The following MDGA2 variants were observed in gnomAD, a reference collection of about 807,000 sequenced individuals.
MDGA2 encodes MAM domain-containing glycosylphosphatidylinositol anchor protein 2.
MDGA2 carries 40 observed loss-of-function variants against 117.8 expected under a neutral mutation model. That is an observed-to-expected ratio of 0.34 (90% CI 0.26 to 0.44). MDGA2 has a LOEUF of 0.44. Ranked by LOEUF, MDGA2 falls within the 20% of genes least tolerant of loss-of-function variation. The pLI, the probability that MDGA2 is intolerant of heterozygous loss-of-function variation, is 1.00. For synonymous variants in MDGA2, 452 were observed against 439.0 expected (o/e 1.03, Z -0.37); for missense variants, 1,123 against 1,250.6 (o/e 0.90, Z 1.54).
chr14:46,880,192 G>A (rs1882389046), intron 11 of MDGA2, among the ~76,000 whole-genome samples: 1 of 151,930 alleles, frequency 6.6e-6, no homozygotes, highest in Non-Finnish European at 1.5e-5. Flanking sequence ...GGGCGTGGTG[G>A]CAAGTGCATG....
chr14:47,069,295 G>GT (rs1890194626), intron 6 of MDGA2, among the ~76,000 whole-genome samples: 1 of 152,076 alleles, frequency 6.6e-6, no homozygotes, highest in Non-Finnish European at 1.5e-5. Flanking sequence ...TTTCCACTTC[G>GT]TGTCACTTTA....
intron 1 of MDGA2, among the ~76,000 whole-genome samples, chr14:47,341,752 A>G (rs1028467563): frequency 2.6e-5 from 4 of 152,150 alleles, no homozygotes; most frequent in Non-Finnish European, 4.4e-5. Context: ...GGCGGCAGCT[A>G]TTTGCAAAAG....
At chr14:47,447,562 T>C (rs982648802) in intron 1 of MDGA2, among the ~76,000 whole-genome samples, 1 of 152,130 alleles carries the variant, frequency 6.6e-6, no homozygotes, top group Non-Finnish European at 1.5e-5. Flanking sequence ...TAGCTGGTCA[T>C]TTATGATGGC....
intron 1 of MDGA2, among the ~76,000 whole-genome samples, chr14:47,562,608 G>A (rs375756799): frequency 2.0e-5 from 3 of 152,016 alleles, no homozygotes; most frequent in Admixed American, 6.6e-5. Flanking sequence ...TTCCGATTAC[G>A]TTTAGTTGAA....
intron 8 of MDGA2, among the ~76,000 whole-genome samples, chr14:46,984,453 T>A (rs1257950931): frequency 6.6e-6 from 1 of 152,008 alleles, no homozygotes; most frequent in Non-Finnish European, 1.5e-5. Flanking sequence ...AAAGCACCCA[T>A]ACTATTTCCA....
chr14:47,189,638 T>C (rs1452617392), intron 3 of MDGA2, among the ~76,000 whole-genome samples: 3 of 152,188 alleles, frequency 2.0e-5, no homozygotes, highest in South Asian at 2.1e-4. Flanking sequence ...AAGCATGCTT[T>C]TGCTGTTAGA....
At chr14:47,623,654 T>C (rs149156677) in intron 1 of MDGA2, among the ~76,000 whole-genome samples, 61 of 152,328 alleles carry the variant, frequency 4.0e-4, no homozygotes, top group Middle Eastern at 6.8e-3. Flanking sequence ...GTCATTACAA[T>C]TGTGTGAGTT....
At chr14:47,196,729 G>T (rs1885300650) in intron 3 of MDGA2, among the ~76,000 whole-genome samples, 1 of 152,176 alleles carries the variant, frequency 6.6e-6, no homozygotes, top group Non-Finnish European at 1.5e-5. Flanking sequence ...TAAATTATGT[G>T]TTGCTGAGGC....
intron 1 of MDGA2, among the ~76,000 whole-genome samples, chr14:47,474,862 C>T (rs192101969): frequency 3.1e-4 from 47 of 152,192 alleles, no homozygotes; most frequent in Admixed American, 2.7e-3. Context: ...AAATGTAAAA[C>T]GCAAAACTAT....
At chr14:47,398,561 A>G (rs532974491) in intron 1 of MDGA2, among the ~76,000 whole-genome samples, 1 of 152,306 alleles carries the variant, frequency 6.6e-6, no homozygotes, top group Admixed American at 6.5e-5. Flanking sequence ...TTGTTAAACT[A>G]TCATGATTAT....
intron 2 of MDGA2, among the ~76,000 whole-genome samples, chr14:47,291,247 T>A (rs1177340943): frequency 1.3e-5 from 2 of 152,188 alleles, no homozygotes; most frequent in Non-Finnish European, 2.9e-5. Context: ...ATATTTTAAA[T>A]GTAGTATGTG....
chr14:47,235,258 C>A (rs1886820152), intron 2 of MDGA2, among the ~76,000 whole-genome samples: 1 of 152,060 alleles, frequency 6.6e-6, no homozygotes, highest in South Asian at 2.1e-4. Flanking sequence ...TTCAATCATT[C>A]AATTTATTAA....
chr14:47,034,140 G>A (rs1888757632), intron 8 of MDGA2, among the ~76,000 whole-genome samples: 1 of 152,182 alleles, frequency 6.6e-6, no homozygotes, highest in African/African-American at 2.4e-5. Flanking sequence ...AGTAGATTGT[G>A]TTTAGTTTTC....
chr14:47,617,809 C>T (rs895222574), intron 1 of MDGA2, among the ~76,000 whole-genome samples: 2 of 152,076 alleles, frequency 1.3e-5, no homozygotes, highest in Non-Finnish European at 2.9e-5. Context: ...AAGATGGAGA[C>T]AGAGGCAGCT....
At chr14:46,858,489 G>A (rs1881373350) in intron 14 of MDGA2, among the ~76,000 whole-genome samples, 1 of 145,832 alleles carries the variant, frequency 6.9e-6, no homozygotes, top group Non-Finnish European at 1.5e-5. Context: ...GTGCAGTGGC[G>A]CGATCTCGGC....
chr14:47,181,703 A>G (rs1200036578), intron 3 of MDGA2, among the ~76,000 whole-genome samples: 1 of 152,182 alleles, frequency 6.6e-6, no homozygotes, highest in Non-Finnish European at 1.5e-5. Flanking sequence ...TTCCTACTAA[A>G]TAAGTGAACA....
chr14:47,164,801 T>C lies in MDGA2; in HGVS notation c.596-20527A>G, dbSNP rs1216578640. On this transcript the variant is annotated intron_variant, in intron 3 of 16. Transcript: ENST00000399232. ...ATGCTGCTATAGAGACACATGCACA[T>C]GTATGTTTATTGCAGCACTATTCAC... 2.0e-5 allele frequency among the ~76,000 whole-genome samples: 3 copies of C among 152,290 alleles called. No individual in the cohort carries two copies. The East Asian group carries it at 5.8e-4, about 29-fold the overall frequency.
At chr14:47,345,845 G>A (rs1454829629) in intron 1 of MDGA2, among the ~76,000 whole-genome samples, 1 of 152,006 alleles carries the variant, frequency 6.6e-6, no homozygotes, top group Non-Finnish European at 1.5e-5. Context: ...GGAGTCAAAA[G>A]TAGCTCTTTT....
At chr14:47,170,843 A>T (rs1244432752) in intron 3 of MDGA2, among the ~76,000 whole-genome samples, 1 of 152,188 alleles carries the variant, frequency 6.6e-6, no homozygotes, top group East Asian at 1.9e-4. Context: ...TTCCTAGATG[A>T]AAGTTGGCTA....
Sources: gnomAD v4.1 joint callset for allele counts (sites outside exome capture counted in the v4.1 genomes callset) on GRCh38, gnomAD v4.1.1 for gene constraint, MANE v1.5 for transcripts, NCBI Gene and HGNC (gene_info 2026-07-23, HGNC 2026-07-21) for gene names.